The following TNFRSF13B variants were observed in gnomAD, a reference collection of about 807,000 sequenced individuals.
The protein encoded by TNFRSF13B is TNF receptor superfamily member 13B.
In TNFRSF13B, 34 loss-of-function variants were observed where a neutral mutation model predicts 24.0. The ratio of observed to expected loss-of-function variants is 1.41; its 90% CI spans 1.08 to 1.88. The LOEUF (loss-of-function observed/expected upper bound fraction) is 1.88. Ranked by LOEUF, TNFRSF13B falls within the 40% of genes most tolerant of loss-of-function variation. The pLI, the probability that TNFRSF13B is intolerant of heterozygous loss-of-function variation, is 0.00. For synonymous variants in TNFRSF13B, 173 were observed against 150.3 expected (o/e 1.15, Z -1.10); for missense variants, 415 against 380.8 (o/e 1.09, Z -0.75).
intron 2 of TNFRSF13B, among the ~76,000 whole-genome samples, chr17:16,949,380 C>G (rs1435833971): frequency 6.6e-6 from 1 of 152,050 alleles, no homozygotes; most frequent in African/African-American, 2.4e-5. Context: ...CAAGCCTCAT[C>G]AAGGAGAAAT....
At position 16,939,324 on chromosome 17, in the gene TNFRSF13B, T is replaced by C. The variant is rs2087488053; in HGVS notation, c.*223A>G. 1 of 547,334 alleles carries C rather than the reference T, an allele frequency of 1.8e-6. No homozygotes were observed. Among genetic ancestry groups the C allele is most frequent in the Non-Finnish European group, 3.1e-6 (1 of 320,744 alleles). The allele number at this position is 547,334 out of a possible 1,614,324, so 33.9% of individuals were successfully genotyped here. A position where few individuals can be genotyped will look rare whatever the true frequency, so the allele number is the denominator to read the frequency against. On this transcript the variant is annotated 3_prime_UTR_variant, in exon 5 of 5. Transcript: ENST00000261652. Reference sequence around the variant, plus strand: ...CTCTCCCTCTCTGCCTCTCTCCTTCTCTGCCTGTCTCTTTCCTTCTCTGCC... The same window carrying C: ...CTCTCCCTCTCTGCCTCTCTCCTTCCCTGCCTGTCTCTTTCCTTCTCTGCC...
chr17:16,971,679 A>C (rs2087745617), intron 1 of TNFRSF13B, among the ~76,000 whole-genome samples: 1 of 152,180 alleles, frequency 6.6e-6, no homozygotes, highest in African/African-American at 2.4e-5. Context: ...CAACTCAAAC[A>C]ATCTGGTATT....
chr17:16,939,648 A>T lies in TNFRSF13B; in HGVS notation c.781T>A (p.Cys261Ser). 6.2e-7 allele frequency: 1 copy of T among 1,612,480 alleles called. No individual in the cohort carries two copies. Among genetic ancestry groups the T allele is most frequent in the Non-Finnish European group, 8.5e-7 (1 of 1,178,940 alleles). ...PDPTCAGRWG[C>S]HTRTTVLQPC... ...TGCAGGACTGTGGTCCTGGTGTGGC[A>T]CCCCCACCTTCCAGCACAAGTGGGG... The change falls in exon 5 of 5, where the codon TGC (cysteine) becomes AGC (serine). Residue 261 changes from cysteine to serine, a missense_variant. Physicochemically the swap from Cys to Ser is moderately radical, Grantham distance 112 (BLOSUM62 -1). Coordinates refer to ENST00000261652, the MANE Select transcript of TNFRSF13B (RefSeq NM_012452.3).
chr17:16,942,626 G>A (rs1442019954), intron 3 of TNFRSF13B, among the ~76,000 whole-genome samples: 1 of 152,172 alleles, frequency 6.6e-6, no homozygotes, highest in Non-Finnish European at 1.5e-5. Context: ...TGCAAACACT[G>A]CCCTGGAGGC....
chr17:16,968,188 A>C (rs2087719341), intron 1 of TNFRSF13B, among the ~76,000 whole-genome samples: 1 of 151,966 alleles, frequency 6.6e-6, no homozygotes, highest in Non-Finnish European at 1.5e-5. Flanking sequence ...TGCAAGACAT[A>C]CATGAAAACT....
chr17:16,948,771 C>T lies in TNFRSF13B; in HGVS notation c.412G>A (p.Gly138Arg). The change falls in exon 3 of 5, where the codon GGA (glycine) becomes AGA (arginine). Residue 138 changes from glycine to arginine, a missense_variant. Gly to Arg is a moderately radical substitution (Grantham distance 125). Transcript: ENST00000261652. ...GCTTCTGAGCCTCTGTGCTCCAATC[C>T]TTGGTACCTTCCCGAGTTGTCTGAA... ...NNSDNSGRYQ[G>R]LEHRGSEASP... 6.2e-7 allele frequency: 1 copy of T among 1,614,222 alleles called. No individual in the cohort carries two copies. Among genetic ancestry groups the T allele is most frequent in the Non-Finnish European group, 8.5e-7 (1 of 1,180,044 alleles).
chr17:16,961,346 G>C (rs186807226), intron 1 of TNFRSF13B, among the ~76,000 whole-genome samples: 2 of 152,188 alleles, frequency 1.3e-5, no homozygotes, highest in Non-Finnish European at 2.9e-5. Context: ...CAGCCCAATC[G>C]TTTATCAGCA....
chr17:16,941,849 T>C (rs1171814064), intron 3 of TNFRSF13B, among the ~76,000 whole-genome samples: 2 of 152,222 alleles, frequency 1.3e-5, no homozygotes, highest in African/African-American at 4.8e-5. Context: ...TTCATATTAA[T>C]GAAATCATAC....
chr17:16,946,500 C>T (rs1208543424), intron 3 of TNFRSF13B, among the ~76,000 whole-genome samples: 1 of 152,086 alleles, frequency 6.6e-6, no homozygotes, highest in African/African-American at 2.4e-5. Context: ...ACCCTTCTTG[C>T]CATGTCCAAA....
At chr17:16,950,777 C>A (rs942189137) in intron 2 of TNFRSF13B, among the ~76,000 whole-genome samples, 1 of 152,150 alleles carries the variant, frequency 6.6e-6, no homozygotes, top group Non-Finnish European at 1.5e-5. Flanking sequence ...TCCCCTCCCC[C>A]GCCTGGGACT....
chr17:16,940,434 G>A lies in TNFRSF13B; in HGVS notation c.523C>T (p.Leu175Phe). The part of the protein sequence containing the change: ...STLGLCLCAV[L>F]CCFLVAVACF... ...GCCACCGCCACCAGGAAGCAGCAGAGGACGGCACACAGGCAGAGCCCCAGC... is the reference window on the plus strand; with the variant it reads ...GCCACCGCCACCAGGAAGCAGCAGAAGACGGCACACAGGCAGAGCCCCAGC... Residue 175 changes from leucine to phenylalanine, a missense_variant, in exon 4 of 5, where the codon CTC (leucine) becomes TTC (phenylalanine). Transcript: ENST00000261652. 3 of 1,614,042 alleles carry A rather than the reference G, an allele frequency of 1.9e-6. No homozygotes were observed. Among genetic ancestry groups the A allele is most frequent in the Middle Eastern group, 1.7e-4 (1 of 6,054 alleles).
intron 2 of TNFRSF13B, among the ~76,000 whole-genome samples, 159 bp from the exon 3 acceptor site, chr17:16,949,142 A>T (rs1053613458): frequency 6.6e-6 from 1 of 152,196 alleles, no homozygotes; most frequent in Non-Finnish European, 1.5e-5. Context: ...CACATTGAAG[A>T]CTATGCATTG....
chr17:16,939,901 C>A, intron 4 of TNFRSF13B, 104 bp from the exon 5 acceptor site: 1 of 1,415,460 alleles, frequency 7.1e-7, no homozygotes, highest in Non-Finnish European at 9.3e-7. Context: ...GAGCTAAGGG[C>A]AATCACCAGC....
chr17:16,958,534 G>A (rs2087639983), intron 1 of TNFRSF13B, among the ~76,000 whole-genome samples: 1 of 151,982 alleles, frequency 6.6e-6, no homozygotes, highest in African/African-American at 2.4e-5. Context: ...TTTTTGCGTG[G>A]TTTGTAACTC....
intron 1 of TNFRSF13B, among the ~76,000 whole-genome samples, chr17:16,964,006 C>T (rs1597667952): frequency 1.3e-5 from 2 of 151,834 alleles, no homozygotes; most frequent in Non-Finnish European, 2.9e-5. Context: ...GAGGGATGTG[C>T]ATGGGAATGG....
At chr17:16,941,078 T>C in intron 3 of TNFRSF13B, 1 of 580,630 alleles carries the variant, frequency 1.7e-6, no homozygotes, top group Non-Finnish European at 2.2e-6. Flanking sequence ...TAATACCAAA[T>C]ACAATATAGA....
chr17:16,952,408 G>A, intron 2 of TNFRSF13B, 38 bp downstream of exon 2: 3 of 1,613,384 alleles, frequency 1.9e-6, no homozygotes, highest in Non-Finnish European at 2.5e-6. Flanking sequence ...GGAGGAGGGT[G>A]ATCACACTGT....
At chr17:16,971,069 C>T (rs192730668) in intron 1 of TNFRSF13B, among the ~76,000 whole-genome samples, 4 of 152,252 alleles carry the variant, frequency 2.6e-5, no homozygotes, top group African/African-American at 2.4e-5. Context: ...CTATACGGGC[C>T]GGGTGCCGTG....
At chr17:16,946,814 C>T (rs1312359254) in intron 3 of TNFRSF13B, among the ~76,000 whole-genome samples, 7 of 152,070 alleles carry the variant, frequency 4.6e-5, no homozygotes, top group Non-Finnish European at 8.8e-5. Context: ...TCTTGAACTC[C>T]GAACCACAAG....
Sources: allele counts gnomAD v4.1 joint callset (sites outside exome capture counted in the v4.1 genomes callset), GRCh38; gene constraint gnomAD v4.1.1; transcripts MANE v1.5; gene names NCBI Gene and HGNC (gene_info 2026-07-23, HGNC 2026-07-21).